Variants in HOOK1 observed in about 807,000 individuals in gnomAD.
HOOK1 encodes hook microtubule tethering protein 1, also known as protein Hook homolog 1.
In HOOK1, 60 loss-of-function variants were observed where a neutral mutation model predicts 112.8. That is an observed-to-expected ratio of 0.53 (90% confidence interval 0.43 to 0.66). The LOEUF is 0.66. Ranked by LOEUF, HOOK1 falls within the 30% of genes least tolerant of loss-of-function variation. The probability of loss-of-function intolerance (pLI) is 0.00; values close to 1 mark genes in which losing one functional copy is unlikely to be tolerated. For synonymous variants in HOOK1, 294 were observed against 283.8 expected (o/e 1.04, Z -0.36); for missense variants, 770 against 856.0 (o/e 0.90, Z 1.25).
chr1:59,846,934 T>C, intron 9 of HOOK1, 111 bp from the exon 10 acceptor site: 1 of 676,440 alleles, frequency 1.5e-6, no homozygotes, highest in East Asian at 3.1e-5. Flanking sequence ...TCATATATTT[T>C]ATTGTGTTGA....
Position 59,865,288 on chromosome 1 carries a change from A to C in HOOK1, c.1744+43A>C, listed in dbSNP as rs112584510. ...CTTGGATCAGACAACAGTATATCTA[A>C]GGACTTACCCTTTTTTATTGAAGGA... On this transcript the variant is annotated intron_variant, in intron 18 of 21. Coordinates refer to ENST00000371208, the MANE Select transcript of HOOK1 (RefSeq NM_015888.6). The C allele has an allele frequency of 8.4e-6, 10 of 1,188,816 alleles. No homozygotes were observed. The African/African-American group carries it at 1.3e-4, about 16-fold the overall frequency. 73.6% of individuals were successfully genotyped at this position (1,188,816 alleles called of 1,614,324 possible). A position where few individuals can be genotyped will look rare whatever the true frequency, so the allele number is the denominator to read the frequency against.
intron 14 of HOOK1, 40 bp downstream of exon 14, chr1:59,859,085 T>A: frequency 1.0e-6 from 1 of 994,588 alleles, no homozygotes; most frequent in Non-Finnish European, 1.4e-6. Context: ...ATATTTAATA[T>A]TATAATTTTT....
intron 11 of HOOK1, 58 bp from the exon 12 acceptor site, chr1:59,849,015 G>T: frequency 1.1e-6 from 1 of 932,250 alleles, no homozygotes; most frequent in Non-Finnish European, 1.6e-6. Flanking sequence ...AAAGACTATT[G>T]AGATTTATAC....
At chr1:59,849,027 CTT>C (rs377589825) in intron 11 of HOOK1, 44 bp from the exon 12 acceptor site, 6 of 1,168,614 alleles carry the variant, frequency 5.1e-6, no homozygotes, top group Non-Finnish European at 2.5e-6. Flanking sequence ...GATTTATACA[CTT>C]ATATACTTTT....
At chr1:59,834,844 G>T (rs2098396426) in intron 5 of HOOK1, among the ~76,000 whole-genome samples, 1 of 151,676 alleles carries the variant, frequency 6.6e-6, no homozygotes, top group African/African-American at 2.4e-5. Context: ...TAGTTTTGTT[G>T]TCCTCTTTTA....
At chr1:59,821,504 T>C (rs1270322754) in intron 1 of HOOK1, among the ~76,000 whole-genome samples, 1 of 152,216 alleles carries the variant, frequency 6.6e-6, no homozygotes, top group African/African-American at 2.4e-5. Flanking sequence ...AATGTTGGGT[T>C]ATCTTTAAGT....
chr1:59,840,440 A>G (rs376981964), intron 8 of HOOK1, 49 bp downstream of exon 8: 24 of 1,229,088 alleles, frequency 2.0e-5, no homozygotes, highest in Non-Finnish European at 2.3e-5. Flanking sequence ...TTAAGTTTAC[A>G]GAAGATTTTT....
Position 59,835,409 on chromosome 1 carries a change from A to G in HOOK1, c.471A>G (p.Gln157=). The change falls in exon 6 of 22, where the codon CAA becomes CAG. Residue 157 remains glutamine, a synonymous_variant. Coordinates refer to ENST00000371208, the MANE Select transcript of HOOK1 (RefSeq NM_015888.6). ...SVQHVVMTAI[Q]ELMSKEILSS... is the part of the protein sequence containing the mutation. ...AACATGTGGTCATGACTGCTATTCAAGAGGTAAGTTATATCATGTTCCTAT... is the reference window on the plus strand; with the variant it reads ...AACATGTGGTCATGACTGCTATTCAGGAGGTAAGTTATATCATGTTCCTAT... 1 of 1,554,236 alleles carries G rather than the reference A, an allele frequency of 6.4e-7. No homozygotes were observed. The highest frequency in any genetic ancestry group is 8.9e-7 in the Non-Finnish European group (1 of 1,126,912).
chr1:59,859,168 C>A, intron 14 of HOOK1, 123 bp downstream of exon 14: 1 of 343,000 alleles, frequency 2.9e-6, no homozygotes, highest in Non-Finnish European at 5.3e-6. Flanking sequence ...ACTGTTTGAT[C>A]TACTTAAACT....
rs1007533857 is a variant in HOOK1, at chr1:59,815,247, T to G, written c.63+67T>G. 4.8e-6 allele frequency: 7 copies of G among 1,444,286 alleles called. No homozygotes were observed. The Admixed American group carries it at 1.4e-4, about 29-fold the overall frequency. The allele number at this position is 1,444,286 out of a possible 1,614,324, so 89.5% of individuals were successfully genotyped here. A position where few individuals can be genotyped will look rare whatever the true frequency, so the allele number is the denominator to read the frequency against. On this transcript the variant is annotated intron_variant, in intron 1 of 21. Transcript: ENST00000371208. ...GAGGCGAGGAGCCTGGGGCGCCCGG[T>G]TCTCCCAGGTGAGCTGGGGCTACCT...
intron 14 of HOOK1, 131 bp downstream of exon 14, chr1:59,859,176 A>C: frequency 3.0e-6 from 1 of 338,686 alleles, no homozygotes; most frequent in Non-Finnish European, 5.4e-6. Context: ...ATCTACTTAA[A>C]CTTTCTAAAT....
In HOOK1 at chr1:59,866,042, T is replaced by G. The variant is rs980247987; in HGVS notation, c.1845+70T>G. 3.7e-6 allele frequency: 3 copies of G among 806,768 alleles called. No individual in the cohort carries two copies. The African/African-American group carries it at 5.3e-5, about 14-fold the overall frequency. 50.0% of individuals were successfully genotyped at this position (806,768 alleles called of 1,614,324 possible). A position where few individuals can be genotyped will look rare whatever the true frequency, so the allele number is the denominator to read the frequency against. ...TTTAGCAAGGCTCATTTCACTGGAT[T>G]TTTCTGCCATTCTTGTATCTGTATC... On this transcript the variant is annotated intron_variant, in intron 19 of 21. Transcript: ENST00000371208.
rs1293350845 is a variant in HOOK1 at position 59,840,577 on chromosome 1, T to A, written c.621+186T>A. On this transcript the variant is annotated intron_variant, in intron 8 of 21. Coordinates refer to ENST00000371208, the MANE Select transcript of HOOK1 (RefSeq NM_015888.6). The stretch of plus-strand genomic sequence containing the variant: ...TTTCATAAATATTTTTCTCTGATAG[T>A]TGAAATTTGCTGGCTTAACTTTCTT... Among the ~76,000 whole-genome samples the A allele has an allele frequency of 3.9e-5, 6 of 152,272 alleles. No individual in the cohort carries two copies. In the East Asian group the frequency reaches 1.2e-3, roughly 29 times the overall value.
rs780955140 is a variant in HOOK1, at chr1:59,868,299, T to A, written c.1895T>A (p.Met632Lys). The A allele has an allele frequency of 1.2e-6, 2 of 1,611,980 alleles. No individual in the cohort carries two copies. Among genetic ancestry groups the A allele is most frequent in the Admixed American group, 1.7e-5 (1 of 59,912 alleles). Residue 632 changes from methionine to lysine, a missense_variant, in exon 20 of 22, where the codon ATG (methionine) becomes AAG (lysine). Physicochemically the swap from Met to Lys is moderately conservative, Grantham distance 95. This residue lies in a region of HOOK1 where 4 missense variants were observed against 18.3 expected (regional missense o/e 0.22). Transcript: ENST00000371208. ...TTAAATCCAGCATCAGCTGAAATAA[T>A]GCTACTAAGAAAGCAGTTGGCAGAG... ...PKLNPASAEIMLLRKQLAEKE... is the reference protein window; with the variant it reads ...PKLNPASAEIKLLRKQLAEKE...
At chr1:59,869,737 T>C (rs1310639902) in intron 20 of HOOK1, among the ~76,000 whole-genome samples, 1 of 152,152 alleles carries the variant, frequency 6.6e-6, no homozygotes, top group East Asian at 1.9e-4. Flanking sequence ...CCAGGCTATG[T>C]TGTGTGTTCT....
Position 59,821,944 on chromosome 1 carries a change from G to A in HOOK1, c.149+1G>A. 6.2e-7 allele frequency: 1 copy of A among 1,608,196 alleles called. No individual in the cohort carries two copies. The highest frequency in any genetic ancestry group is 8.5e-7 in the Non-Finnish European group (1 of 1,175,590). ...CCATGGCACAAGTTCTTCATCAAATGTGAGTAGTGGTCAGACTCTCCCTGA... is the reference window on the plus strand; with the variant it reads ...CCATGGCACAAGTTCTTCATCAAATATGAGTAGTGGTCAGACTCTCCCTGA... On this transcript the variant is annotated splice_donor_variant, in intron 2 of 21. Transcript: ENST00000371208. LOFTEE classifies it high-confidence loss of function.
chr1:59,823,358 A>T (rs1446662846), intron 2 of HOOK1, among the ~76,000 whole-genome samples: 1 of 152,184 alleles, frequency 6.6e-6, no homozygotes, highest in Non-Finnish European at 1.5e-5. Context: ...TTATTTATTT[A>T]TATCTTAATT....
chr1:59,824,587 T>C (rs2098388485), intron 2 of HOOK1, among the ~76,000 whole-genome samples: 1 of 152,018 alleles, frequency 6.6e-6, no homozygotes, highest in African/African-American at 2.4e-5. Context: ...TTACTGAAGG[T>C]TAGAAGAGAA....
At chr1:59,820,820 A>C (rs1206601004) in intron 1 of HOOK1, among the ~76,000 whole-genome samples, 6 of 152,184 alleles carry the variant, frequency 3.9e-5, no homozygotes, top group Non-Finnish European at 8.8e-5. Context: ...TTGTAGCCCC[A>C]TCATGTGCCA....
Sources: allele counts gnomAD v4.1 joint callset (sites outside exome capture counted in the v4.1 genomes callset), GRCh38; gene constraint gnomAD v4.1.1; regional missense constraint gnomAD v4.1.1; transcripts MANE v1.5; gene names NCBI Gene and HGNC (gene_info 2026-07-23, HGNC 2026-07-21).